TENM1: variants seen among roughly 807,000 people sequenced by gnomAD.
TENM1 encodes the protein teneurin transmembrane protein 1, also known as teneurin-1.
TENM1 carries 35 observed loss-of-function variants against 174.8 expected under a neutral mutation model. That is an observed-to-expected ratio of 0.20 (90% CI 0.15 to 0.27). TENM1 has a LOEUF of 0.27. Among genes scored for constraint, TENM1 ranks in the 10% least tolerant of loss-of-function variants. The probability of loss-of-function intolerance (pLI) is 1.00; values close to 1 mark genes in which losing one functional copy is unlikely to be tolerated. For missense variants in TENM1, 1,633 were observed against 2,130.1 expected (o/e 0.77, Z 4.59); for synonymous variants, 781 against 798.7 (o/e 0.98, Z 0.37).
intron 3 of TENM1, among the ~76,000 whole-genome samples, chrX:124,776,229 G>C (rs1406447128): frequency 2.7e-5 from 3 of 111,769 alleles, no homozygotes; most frequent in Non-Finnish European, 5.6e-5. Context: ...AATTATGAGA[G>C]GATGTACTTC....
At chrX:124,586,123 T>C (rs965139207) in intron 11 of TENM1, among the ~76,000 whole-genome samples, 2 of 109,877 alleles carry the variant, frequency 1.8e-5, no homozygotes, top group African/African-American at 6.7e-5. Flanking sequence ...GAGGAACTGG[T>C]ACCATTCCTT....
chrX:124,687,376 C>T (rs1019656440), intron 5 of TENM1, among the ~76,000 whole-genome samples: 47 of 111,430 alleles, frequency 4.2e-4, no homozygotes, highest in African/African-American at 1.4e-3. Flanking sequence ...AACTGGCTAG[C>T]CATATGTGGA....
exon 32 of TENM1, chrX:124,380,329 A>T (rs2060142247): frequency 2.7e-6 from 1 of 374,149 alleles, no homozygotes; most frequent in African/African-American, 2.6e-5. Flanking sequence ...ATACTGCCAC[A>T]CAAGAACTAA....
chrX:124,453,273 G>T (rs1481985431), intron 23 of TENM1, 64 bp downstream of exon 26: 3 of 1,071,750 alleles, frequency 2.8e-6, no homozygotes, highest in Non-Finnish European at 3.8e-6. Context: ...TTCTACATGA[G>T]AAAATTGTTA....
chrX:124,587,314 C>T (rs2148238991), intron 11 of TENM1, among the ~76,000 whole-genome samples: 1 of 109,855 alleles, frequency 9.1e-6, no homozygotes, highest in East Asian at 2.9e-4. Context: ...GTAACCAAAA[C>T]AGCATGGTAC....
exon 26 of TENM1, chrX:124,406,456 C>T (rs775002875): frequency 2.2e-5 from 27 of 1,205,743 alleles, no homozygotes; most frequent in Non-Finnish European, 2.9e-5. Flanking sequence ...CAGTGGGAAA[C>T]GTTGCATTGG....
chrX:124,972,233 GAA>G, the TENM1 span, among the ~76,000 whole-genome samples: 5 of 94,499 alleles, frequency 5.3e-5, no homozygotes, highest in African/African-American at 1.9e-4. Flanking sequence ...ACTCCATCTC[GAA>G]AAAAAAAAAA....
At chrX:124,448,359 A>G (rs2060989556) in intron 23 of TENM1, among the ~76,000 whole-genome samples, 1 of 111,395 alleles carries the variant, frequency 9.0e-6, no homozygotes, top group Non-Finnish European at 1.9e-5. Flanking sequence ...CTACATTGAT[A>G]TGTTTTTTCC....
chrX:125,058,165 G>A, the TENM1 span, among the ~76,000 whole-genome samples: 10 of 111,410 alleles, frequency 9.0e-5, no homozygotes, highest in Admixed American at 2.9e-4. Context: ...TAAAAAGACC[G>A]ATAACACAAT....
At chrX:124,498,268 T>G (rs2047246592) in intron 19 of TENM1, among the ~76,000 whole-genome samples, 3 of 111,407 alleles carry the variant, frequency 2.7e-5, no homozygotes, top group Non-Finnish European at 3.8e-5. Flanking sequence ...CAGTTCTTTC[T>G]CCCCTATTCC....
chrX:124,933,824 C>T (rs192322064), intron 1 of TENM1, among the ~76,000 whole-genome samples: 77 of 111,506 alleles, frequency 6.9e-4, no homozygotes, highest in African/African-American at 2.3e-3. Flanking sequence ...GTTTAAATTC[C>T]ATTGCATTTT....
At chrX:124,451,044 TA>T (rs2061030004) in intron 23 of TENM1, among the ~76,000 whole-genome samples, 1 of 112,335 alleles carries the variant, frequency 8.9e-6, no homozygotes, top group Non-Finnish European at 1.9e-5. Flanking sequence ...TAATCTACTT[TA>T]TTAGGGTCAC....
chrX:124,819,083 A>C (rs946769105), intron 3 of TENM1, among the ~76,000 whole-genome samples: 1 of 112,115 alleles, frequency 8.9e-6, no homozygotes, highest in Non-Finnish European at 1.9e-5. Flanking sequence ...TATAAATTTC[A>C]TATAATCCAA....
intron 31 of TENM1, among the ~76,000 whole-genome samples, chrX:124,382,409 G>A (rs931172565): frequency 1.8e-5 from 2 of 111,153 alleles, no homozygotes; most frequent in Non-Finnish European, 3.8e-5. Flanking sequence ...AATTTTTAAA[G>A]TACAGTTCCT....
chrX:124,555,181 C>T (rs191883087), intron 14 of TENM1, among the ~76,000 whole-genome samples: 2 of 111,118 alleles, frequency 1.8e-5, no homozygotes, highest in Admixed American at 1.9e-4. Context: ...CTAATCTCTT[C>T]CTGACTCATG....
At chrX:124,430,128 A>T (rs2060761896) in intron 23 of TENM1, among the ~76,000 whole-genome samples, 2 of 111,462 alleles carry the variant, frequency 1.8e-5, no homozygotes, top group Non-Finnish European at 3.8e-5. Context: ...TCATTGGTAC[A>T]TTCATCCCTT....
In TENM1 at chrX:124,621,846, T is replaced by C. The variant is rs182432876; in HGVS notation, c.2077+19945A>G. Among the ~76,000 whole-genome samples, 14 of 112,308 alleles carry C rather than the reference T, an allele frequency of 1.2e-4. 1 individual carries two copies. Among genetic ancestry groups the C allele is most frequent in the African/African-American group, 4.5e-4 (14 of 30,986 alleles). ...ACTGGAGATATTTCCAATTTTAAAG[T>C]ATTTGGCCCTGATACTAAAAATGGA... On this transcript the variant is annotated intron_variant, in intron 11 of 31. Transcript: ENST00000422452.
chrX:125,158,296 G>A, the TENM1 span, among the ~76,000 whole-genome samples: 4 of 106,109 alleles, frequency 3.8e-5, no homozygotes, highest in African/African-American at 1.0e-4. Flanking sequence ...CCAGCTACTC[G>A]GGAGGCTGGG....
At chrX:124,661,162 G>A (rs151337518) in intron 6 of TENM1, among the ~76,000 whole-genome samples, 1,737 of 111,701 alleles carry the variant, frequency 0.016, 13 homozygotes, top group African/African-American at 0.023. Flanking sequence ...TTGGAAGGAG[G>A]TGGGGATATG....
Sources: gnomAD v4.1 joint callset for allele counts (sites outside exome capture counted in the v4.1 genomes callset) on GRCh38, gnomAD v4.1.1 for gene constraint, MANE v1.5 for transcripts, NCBI Gene and HGNC (gene_info 2026-07-23, HGNC 2026-07-21) for gene names.